AIG1: variants seen among roughly 807,000 people sequenced by gnomAD.
The protein encoded by AIG1 is androgen-induced gene 1 protein.
AIG1 carries 23 observed loss-of-function variants against 31.4 expected under a neutral mutation model. The observed-to-expected ratio is 0.73, with a 90% CI of 0.53 to 1.04. The LOEUF (loss-of-function observed/expected upper bound fraction) is 1.04, where lower values mean the gene tolerates loss of function less well. Among genes scored for constraint, AIG1 ranks in the 50% least tolerant of loss-of-function variants. The pLI is 0.00. For missense variants in AIG1, 274 were observed against 295.0 expected (o/e 0.93, Z 0.52); for synonymous variants, 100 against 110.5 (o/e 0.90, Z 0.60).
intron 3 of AIG1, among the ~76,000 whole-genome samples, chr6:143,267,823 C>A (rs578140082): frequency 3.5e-4 from 54 of 152,314 alleles, no homozygotes; most frequent in Non-Finnish European, 6.6e-4. Flanking sequence ...AGAAATGCCA[C>A]TCATCACTGT....
chr6:143,086,321 G>T (rs1417483959), intron 1 of AIG1, among the ~76,000 whole-genome samples: 3 of 152,134 alleles, frequency 2.0e-5, no homozygotes, highest in Non-Finnish European at 4.4e-5. Context: ...TAAAGGAATA[G>T]GGCACACTTT....
At chr6:143,099,832 T>A (rs568902501) in intron 1 of AIG1, among the ~76,000 whole-genome samples, 6 of 152,314 alleles carry the variant, frequency 3.9e-5, no homozygotes, top group African/African-American at 1.4e-4. Flanking sequence ...ATTGGAAGGA[T>A]GATATGTAAA....
At position 143,171,390 on chromosome 6, in the gene AIG1, C is replaced by A. The variant is rs144304091; in HGVS notation, c.399+6207C>A. ...AGTATTTTATTCCTTTTTATGGCTG[C>A]GTAGTATTCAATAGTGTGTGTATAT... On this transcript the variant is annotated intron_variant, in intron 3 of 5. Transcript: ENST00000357847. Among the ~76,000 whole-genome samples, 1,241 of 131,606 alleles carry A rather than the reference C, an allele frequency of 9.4e-3. 18 individuals are homozygous for A. Among genetic ancestry groups the A allele is most frequent in the African/African-American group, 0.034 (1,187 of 34,800 alleles). 86.3% of individuals were successfully genotyped at this position (131,606 alleles called of 152,430 possible).
intron 3 of AIG1, among the ~76,000 whole-genome samples, chr6:143,226,283 C>G (rs1422505427): frequency 6.6e-6 from 1 of 151,578 alleles, no homozygotes; most frequent in East Asian, 1.9e-4. Context: ...ACTCTGTCAC[C>G]AGGCTGGAGT....
rs1784227950 is a variant in AIG1, at chr6:143,141,314, T to TG, written c.297+4325dup. Among the ~76,000 whole-genome samples the TG allele has an allele frequency of 3.3e-5, 5 of 152,212 alleles. No homozygotes were observed. In the South Asian group the frequency reaches 1.0e-3, roughly 32 times the overall value. The stretch of plus-strand genomic sequence containing the variant: ...CTGGGATTTGTATTTTCTACATTAA[T>TG]GCTTCCTCCAGTAACGAGGTTAATT... On this transcript the variant is annotated intron_variant, in intron 2 of 5. Coordinates refer to ENST00000357847, the MANE Select transcript of AIG1 (RefSeq NM_016108.4).
Position 143,061,079 on chromosome 6 carries a change from C to A in AIG1, c.141+13C>A. 1 of 1,611,784 alleles carries A rather than the reference C, an allele frequency of 6.2e-7. No individual in the cohort carries two copies. The highest frequency in any genetic ancestry group is 8.5e-7 in the Non-Finnish European group (1 of 1,178,684). On this transcript the variant is annotated intron_variant, in intron 1 of 5. Transcript: ENST00000357847. ...GTTCATTGATCTGGTAAGGCCGTCC[C>A]CTCCCCCTGCTCGCCCCGCACCCCG...
chr6:143,162,988 C>A (rs1322564246), intron 2 of AIG1, among the ~76,000 whole-genome samples: 1 of 152,124 alleles, frequency 6.6e-6, no homozygotes, highest in Non-Finnish European at 1.5e-5. Flanking sequence ...AGTAGAGCCT[C>A]CCCAAGCAGA....
At chr6:143,321,810 C>G (rs1776241502) in intron 4 of AIG1, among the ~76,000 whole-genome samples, 1 of 151,970 alleles carries the variant, frequency 6.6e-6, no homozygotes, top group African/African-American at 2.4e-5. Flanking sequence ...GGAAAAAAAC[C>G]TGACACCACC....
chr6:143,151,874 T>C (rs1453760512), intron 2 of AIG1, among the ~76,000 whole-genome samples: 1 of 152,234 alleles, frequency 6.6e-6, no homozygotes, highest in Non-Finnish European at 1.5e-5. Flanking sequence ...CAAATTACTA[T>C]AATCTGATGA....
chr6:143,280,635 A>G lies in AIG1; in HGVS notation c.400-3475A>G, dbSNP rs1797281794. ...CTAATGCAGGAACAGAAAACCAAAC[A>G]CCGCATGTTCTCACTTATAAGTGGG... On this transcript the variant is annotated intron_variant, in intron 3 of 5. Coordinates refer to ENST00000357847, the MANE Select transcript of AIG1 (RefSeq NM_016108.4). The surrounding 1 kb of genome is among the most constrained non-coding windows in gnomAD (Gnocchi z 4.1). Among the ~76,000 whole-genome samples the G allele has an allele frequency of 6.6e-6, 1 of 152,174 alleles. No homozygotes were observed. Among genetic ancestry groups the G allele is most frequent in the Non-Finnish European group, 1.5e-5 (1 of 68,028 alleles).
chr6:143,209,782 T>C (rs1235610072), intron 3 of AIG1, among the ~76,000 whole-genome samples: 1 of 152,222 alleles, frequency 6.6e-6, no homozygotes, highest in Non-Finnish European at 1.5e-5. Context: ...CATAGAAAAC[T>C]AGTACAATCA....
At chr6:143,149,532 C>CAAAAAAAAAA (rs71767812) in intron 2 of AIG1, among the ~76,000 whole-genome samples, 63 of 39,994 alleles carry the variant, frequency 1.6e-3, no homozygotes, top group East Asian at 3.5e-3. Flanking sequence ...GACTCTGTCT[C>CAAAAAAAAAA]AAAAAAAAAA....
intron 3 of AIG1, among the ~76,000 whole-genome samples, chr6:143,231,925 G>T (rs1793473953): frequency 6.6e-6 from 1 of 152,186 alleles, no homozygotes; most frequent in South Asian, 2.1e-4. Flanking sequence ...CTCTGGCACA[G>T]ATTCTAGGTG....
intron 3 of AIG1, among the ~76,000 whole-genome samples, chr6:143,244,111 A>C (rs1434157342): frequency 6.6e-6 from 1 of 152,252 alleles, no homozygotes; most frequent in East Asian, 1.9e-4. Flanking sequence ...ACCCAGCAGC[A>C]GTTATAATAT....
intron 3 of AIG1, among the ~76,000 whole-genome samples, chr6:143,228,100 C>T (rs868271482): frequency 4.6e-5 from 7 of 152,274 alleles, no homozygotes; most frequent in African/African-American, 7.2e-5. Flanking sequence ...CCCTCCCACT[C>T]GGACCTCCCC....
chr6:143,188,771 G>A (rs1789513951), intron 3 of AIG1: 2 of 985,170 alleles, frequency 2.0e-6, no homozygotes, highest in Non-Finnish European at 2.4e-6. Context: ...AAGTAATCCT[G>A]GGAAACATAC....
chr6:143,311,069 G>A (rs979480813), intron 4 of AIG1, among the ~76,000 whole-genome samples: 1 of 151,930 alleles, frequency 6.6e-6, no homozygotes, highest in Non-Finnish European at 1.5e-5. Flanking sequence ...AATAGAAGCA[G>A]AGGGAATACC....
chr6:143,117,443 A>G (rs61636934), intron 1 of AIG1, among the ~76,000 whole-genome samples: 12,434 of 152,222 alleles, frequency 0.082, 902 homozygotes, highest in East Asian at 0.38. Flanking sequence ...TAGAGCCAAC[A>G]GGATTTGCTA....
Position 143,327,588 on chromosome 6 carries a change from C to A in AIG1, c.516-5694C>A. ...GAAGATTCACCAAATAAGCTCTATACTTCAGTTACCTATGTACCTGTTACC... is the reference window on the plus strand; with the variant it reads ...GAAGATTCACCAAATAAGCTCTATAATTCAGTTACCTATGTACCTGTTACC... On this transcript the variant is annotated intron_variant, in intron 4 of 5. Coordinates refer to ENST00000357847, the MANE Select transcript of AIG1 (RefSeq NM_016108.4). This position sits in a 1 kb window ranked among gnomAD's most constrained non-coding sequence, Gnocchi z 5.3. 2.7e-6 allele frequency: 1 copy of A among 364,308 alleles called. No homozygotes were observed. Among genetic ancestry groups the A allele is most frequent in the Admixed American group, 3.4e-5 (1 of 29,802 alleles). 22.6% of individuals were successfully genotyped at this position (364,308 alleles called of 1,614,324 possible). A position where few individuals can be genotyped will look rare whatever the true frequency, so the allele number is the denominator to read the frequency against.
Sources: gnomAD v4.1 joint callset for allele counts (sites outside exome capture counted in the v4.1 genomes callset) on GRCh38, gnomAD v4.1.1 for gene constraint, Gnocchi (gnomAD v3.1) non-coding constraint, MANE v1.5 for transcripts, NCBI Gene and HGNC (gene_info 2026-07-23, HGNC 2026-07-21) for gene names.